The following BCL7C variants were observed in gnomAD, a reference collection of about 807,000 sequenced individuals.
BCL7C encodes B-cell CLL/lymphoma 7 protein family member C.
BCL7C carries 8 observed loss-of-function variants against 26.2 expected under a neutral mutation model. The ratio of observed to expected loss-of-function variants is 0.30; its 90% CI spans 0.18 to 0.55. BCL7C has a LOEUF of 0.55. Ranked by LOEUF, BCL7C falls within the 20% of genes least tolerant of loss-of-function variation. BCL7C has a pLI of 0.93. For missense variants in BCL7C, 262 were observed against 298.5 expected, an observed-to-expected ratio of 0.88 and a Z score of 0.90; for synonymous variants, 90 against 116.5, an observed-to-expected ratio of 0.77 and a Z score of 1.47.
At chr16:30,885,384 T>C (rs911197541), downstream of BCL7C, among the ~76,000 whole-genome samples, 2 of 151,836 alleles carry the variant, frequency 1.3e-5, no homozygotes, top group African/African-American at 4.8e-5. Context: ...TCTCCAGAAC[T>C]GTAAGAGAAT....
Position 30,893,385 on chromosome 16 carries a change from G to A in BCL7C, c.93-95C>T, listed in dbSNP as rs2055289352. 1.1e-6 allele frequency: 1 copy of A among 891,362 alleles called. No individual in the cohort carries two copies. Among genetic ancestry groups the A allele is most frequent in the African/African-American group, 1.7e-5 (1 of 59,596 alleles). 55.2% of individuals were successfully genotyped at this position (891,362 alleles called of 1,614,324 possible). On this transcript the variant is annotated intron_variant, in intron 1 of 5. Transcript: ENST00000215115. The surrounding 1 kb of genome is among the most constrained non-coding windows in gnomAD (Gnocchi z 5.2). ...TCTGGGGGTACCTGCAGAGGTTGAG[G>A]AGGCACAGGAGGATAGCAACAGTTT...
intron 5 of BCL7C, among the ~76,000 whole-genome samples, chr16:30,862,324 T>C (rs957859675): frequency 2.6e-5 from 4 of 152,132 alleles, no homozygotes; most frequent in African/African-American, 9.7e-5. Context: ...TACTATTCCT[T>C]TGCACCCTTC....
intron 5 of BCL7C, chr16:30,840,606 A>ATC (rs2054596150): frequency 6.6e-6 from 1 of 152,230 alleles, no homozygotes; most frequent in Non-Finnish European, 1.5e-5. Context: ...AGAACTGACG[A>ATC]AGAAGAAAGA....
At chr16:30,851,541 C>T in intron 5 of BCL7C, 1 of 294,308 alleles carries the variant, frequency 3.4e-6, no homozygotes, top group Non-Finnish European at 6.4e-6. Flanking sequence ...CACCCGGCCT[C>T]AATATTTGAA....
At chr16:30,854,860 C>A (rs567396567) in intron 5 of BCL7C, among the ~76,000 whole-genome samples, 1 of 152,042 alleles carries the variant, frequency 6.6e-6, no homozygotes, top group Non-Finnish European at 1.5e-5. Context: ...TGCCAACATG[C>A]CTGGCTAATG....
chr16:30,885,823 A>G (rs1388498522), downstream of BCL7C, among the ~76,000 whole-genome samples: 1 of 152,134 alleles, frequency 6.6e-6, no homozygotes, highest in Non-Finnish European at 1.5e-5. Flanking sequence ...CACCAACACC[A>G]CTGCAGCTGC....
intron 5 of BCL7C, among the ~76,000 whole-genome samples, chr16:30,846,442 T>A (rs2054636247): frequency 6.6e-6 from 1 of 151,920 alleles, no homozygotes; most frequent in African/African-American, 2.4e-5. Flanking sequence ...TTAGCCAGGA[T>A]GGTCTCGATC....
At position 30,887,861 on chromosome 16, in the gene BCL7C, C is replaced by T. The variant is rs773222685; in HGVS notation, c.*4G>A. The stretch of plus-strand genomic sequence containing the variant: ...TGGGGCAACAGGACAGGCAGGCCGG[C>T]TTCTCAGGGGTCAGGGGCATTTGGG... On this transcript the variant is annotated 3_prime_UTR_variant, in exon 6 of 6. Coordinates refer to ENST00000215115, the MANE Select transcript of BCL7C (RefSeq NM_004765.4). 1.3e-6 allele frequency: 2 copies of T among 1,568,126 alleles called. No homozygotes were observed. The highest frequency in any genetic ancestry group is 4.0e-5 in the Admixed American group (2 of 50,026).
intron 5 of BCL7C, among the ~76,000 whole-genome samples, chr16:30,876,683 A>C (rs1276594891): frequency 6.6e-6 from 1 of 152,164 alleles, no homozygotes; most frequent in African/African-American, 2.4e-5. Context: ...ATCAAACCCA[A>C]AGCCTGAGAT....
chr16:30,868,729 G>A (rs1858982743), intron 5 of BCL7C, among the ~76,000 whole-genome samples: 1 of 151,874 alleles, frequency 6.6e-6, no homozygotes, highest in Admixed American at 6.6e-5. Flanking sequence ...AGGTTGTGGT[G>A]AGCGGAGATT....
chr16:30,850,668 C>A (rs930819360), intron 5 of BCL7C, among the ~76,000 whole-genome samples: 12 of 152,022 alleles, frequency 7.9e-5, no homozygotes, highest in African/African-American at 2.7e-4. Context: ...AGTAAAAATA[C>A]AGCATAAAAG....
In BCL7C at chr16:30,879,694, A is replaced by AAAAAAAAAAAAAAAAAAAAC. The variant is rs2055010475; in HGVS notation, c.528+9165_528+9166insGTTTTTTTTTTTTTTTTTTT. 1.4e-5 allele frequency among the ~76,000 whole-genome samples: 2 copies of AAAAAAAAAAAAAAAAAAAAC among 140,740 alleles called. 1 individual carries two copies. Among genetic ancestry groups the AAAAAAAAAAAAAAAAAAAAC allele is most frequent in the Non-Finnish European group, 3.1e-5 (2 of 64,524 alleles). 92.3% of individuals were successfully genotyped at this position (140,740 alleles called of 152,430 possible). On this transcript the variant is annotated intron_variant, in intron 5 of 5. Coordinates refer to the BCL7C transcript ENST00000380317. ...AGAGAGACTCCCCTTCTCTACAAAAAAAAAAAAAAAAAAAACTGGGCACGG... is the reference window on the plus strand; with the variant it reads ...AGAGAGACTCCCCTTCTCTACAAAAAAAAAAAAAAAAAAAAAAAACAAAAAAAAAAAAAAACTGGGCACGG...
chr16:30,883,476 G>A (rs779458500), downstream of BCL7C, among the ~76,000 whole-genome samples: 13 of 141,874 alleles, frequency 9.2e-5, no homozygotes, highest in African/African-American at 1.9e-4. Context: ...TCAGCCTCCC[G>A]CCTCAGCCTC....
At chr16:30,851,210 G>T in intron 5 of BCL7C, 1 of 300,288 alleles carries the variant, frequency 3.3e-6, no homozygotes, top group South Asian at 3.2e-5. Context: ...GAATATGGTG[G>T]ATGAGGCAAA....
intron 5 of BCL7C, among the ~76,000 whole-genome samples, chr16:30,859,615 G>A (rs1307738647): frequency 1.3e-5 from 2 of 150,214 alleles, no homozygotes; most frequent in Non-Finnish European, 3.0e-5. Flanking sequence ...TAACTGATAC[G>A]ATATATTCTC....
At chr16:30,842,009 GC>G (rs869025713) in intron 5 of BCL7C, among the ~76,000 whole-genome samples, 5 of 7,816 alleles carry the variant, frequency 6.4e-4, no homozygotes, top group East Asian at 0.2. Flanking sequence ...GAGACAAGGT[GC>G]CCCCTGACCC....
At chr16:30,837,221 A>G (rs2054575552) in intron 5 of BCL7C, among the ~76,000 whole-genome samples, 1 of 152,216 alleles carries the variant, frequency 6.6e-6, no homozygotes, top group South Asian at 2.1e-4. Flanking sequence ...CATTAAAATA[A>G]CCAGGAGTTC....
intron 5 of BCL7C, among the ~76,000 whole-genome samples, chr16:30,853,400 A>G (rs138771904): frequency 6.6e-6 from 1 of 152,286 alleles, no homozygotes; most frequent in African/African-American, 2.4e-5. Flanking sequence ...GAAGGTCTTC[A>G]GAGGCAATAA....
At chr16:30,853,126 C>CG (rs1324255143) in intron 5 of BCL7C, among the ~76,000 whole-genome samples, 1 of 151,684 alleles carries the variant, frequency 6.6e-6, no homozygotes, top group Non-Finnish European at 1.5e-5. Flanking sequence ...TCAGTAGAGA[C>CG]GGGGTTTCTC....
Sources: gnomAD v4.1 joint callset for allele counts (sites outside exome capture counted in the v4.1 genomes callset) on GRCh38, gnomAD v4.1.1 for gene constraint, Gnocchi (gnomAD v3.1) non-coding constraint, MANE v1.5 for transcripts, NCBI Gene and HGNC (gene_info 2026-07-23, HGNC 2026-07-21) for gene names.